The following RMDN2 variants were observed in gnomAD, a reference collection of about 807,000 sequenced individuals.
RMDN2 encodes the protein regulator of microtubule dynamics 2.
RMDN2 carries 61 observed loss-of-function variants against 52.8 expected under a neutral mutation model. The observed-to-expected ratio is 1.16, with a 90% CI of 0.94 to 1.43. RMDN2 has a LOEUF of 1.43. Ranked by LOEUF, RMDN2 falls within the 40% of genes most tolerant of loss-of-function variation. The pLI is 0.00. For missense variants in RMDN2, 592 were observed against 475.3 expected (o/e 1.25, Z -2.28); for synonymous variants, 180 against 153.1 (o/e 1.18, Z -1.30).
intron 10 of RMDN2, among the ~76,000 whole-genome samples, chr2:38,033,409 ATTG>A (rs1187884158): frequency 6.6e-6 from 1 of 152,188 alleles, no homozygotes. Flanking sequence ...GTCTCAGAAC[ATTG>A]TTGTTGGAAG....
intron 5 of RMDN2, among the ~76,000 whole-genome samples, chr2:37,988,971 G>A (rs1034636067): frequency 3.9e-5 from 6 of 152,156 alleles, no homozygotes; most frequent in African/African-American, 1.2e-4. Flanking sequence ...GGTTGAAGGA[G>A]AAGGGGAAAT....
intron 2 of RMDN2, among the ~76,000 whole-genome samples, chr2:37,969,144 C>G (rs751958901): frequency 2.6e-5 from 4 of 151,654 alleles, no homozygotes; most frequent in Non-Finnish European, 5.9e-5. Flanking sequence ...GTTTCTTTAG[C>G]TTTATCCTTT....
chr2:37,968,569 TA>T (rs1414029174), intron 2 of RMDN2, among the ~76,000 whole-genome samples: 1 of 152,056 alleles, frequency 6.6e-6, no homozygotes, highest in Non-Finnish European at 1.5e-5. Flanking sequence ...ATTTTCACAG[TA>T]AATAATGTCT....
intron 2 of RMDN2, chr2:37,951,150 G>A: frequency 3.1e-6 from 4 of 1,309,642 alleles, no homozygotes; most frequent in Non-Finnish European, 4.1e-6. Flanking sequence ...ACCAAAAGGT[G>A]GATATTATTC....
In RMDN2 at chr2:38,017,534, C is replaced by T. The variant is rs1325394688; in HGVS notation, c.*295C>T. Reference sequence around the variant, plus strand: ...ATTTCTTTAAATAAAATATTTAAATCCAATAAAATGAATTCTCATGAATAT... The same window carrying T: ...ATTTCTTTAAATAAAATATTTAAATTCAATAAAATGAATTCTCATGAATAT... On this transcript the variant is annotated 3_prime_UTR_variant, in exon 11 of 11. Coordinates refer to ENST00000354545, the MANE Select transcript of RMDN2 (RefSeq NM_001170791.3). The T allele has an allele frequency of 9.0e-7, 1 of 1,113,272 alleles. No individual in the cohort carries two copies. Among genetic ancestry groups the T allele is most frequent in the Non-Finnish European group, 1.2e-6 (1 of 841,044 alleles). The allele number at this position is 1,113,272 out of a possible 1,614,324, so 69.0% of individuals were successfully genotyped here. A position where few individuals can be genotyped will look rare whatever the true frequency, so the allele number is the denominator to read the frequency against.
intron 10 of RMDN2, among the ~76,000 whole-genome samples, chr2:38,045,469 T>C (rs1209882839): frequency 6.6e-6 from 1 of 152,208 alleles, no homozygotes; most frequent in Non-Finnish European, 1.5e-5. Flanking sequence ...TCATCTCACC[T>C]AATCTTTAAA....
chr2:37,933,432 G>A (rs1667014932), intron 2 of RMDN2, among the ~76,000 whole-genome samples: 1 of 152,340 alleles, frequency 6.6e-6, no homozygotes, highest in South Asian at 2.1e-4. Context: ...GCTGGGAGGT[G>A]GAGGTTGTAG....
At chr2:37,973,125 G>A (rs926254049) in intron 2 of RMDN2, among the ~76,000 whole-genome samples, 7 of 151,980 alleles carry the variant, frequency 4.6e-5, no homozygotes, top group African/African-American at 1.7e-4. Flanking sequence ...TTCACATTTG[G>A]CCTTTGTCTT....
At chr2:37,926,064 A>G (rs1422937076) in intron 1 of RMDN2, among the ~76,000 whole-genome samples, 4 of 152,178 alleles carry the variant, frequency 2.6e-5, no homozygotes, top group Admixed American at 6.5e-5. Flanking sequence ...TCTGATCACT[A>G]GTTCAAGGTC....
intron 10 of RMDN2, among the ~76,000 whole-genome samples, chr2:38,056,146 G>C (rs1301855224): frequency 1.3e-5 from 2 of 152,176 alleles, no homozygotes; most frequent in Non-Finnish European, 2.9e-5. Context: ...CACTGTGCCA[G>C]GCACCCGGGA....
At chr2:37,941,602 G>A (rs1263952976) in intron 2 of RMDN2, among the ~76,000 whole-genome samples, 1 of 152,230 alleles carries the variant, frequency 6.6e-6, no homozygotes, top group Admixed American at 6.5e-5. Flanking sequence ...CCAGAGAGGA[G>A]GAATCTAGAG....
chr2:38,050,034 T>G (rs535495633), intron 10 of RMDN2, among the ~76,000 whole-genome samples: 8 of 152,334 alleles, frequency 5.3e-5, no homozygotes, highest in Admixed American at 2.6e-4. Context: ...TCAATGAATT[T>G]GGGACCTTAT....
chr2:37,962,068 T>G (rs1204809836), intron 2 of RMDN2, among the ~76,000 whole-genome samples: 1 of 152,214 alleles, frequency 6.6e-6, no homozygotes, highest in African/African-American at 2.4e-5. Context: ...CTGGAAGCTT[T>G]GTCCCAGAGG....
In RMDN2 at chr2:38,051,222, A is replaced by G. The variant is rs562217742; in HGVS notation, c.1714-15760A>G. Reference sequence around the variant, plus strand: ...GTCTGCCAACCCTTTCTTCGGAGTCATGCAAATTCACCGTAAAAACAAAAT... The same window carrying G: ...GTCTGCCAACCCTTTCTTCGGAGTCGTGCAAATTCACCGTAAAAACAAAAT... On this transcript the variant is annotated intron_variant, in intron 10 of 10. Coordinates refer to the RMDN2 transcript ENST00000234195. Among the ~76,000 whole-genome samples, 3 of 151,626 alleles carry G rather than the reference A, an allele frequency of 2.0e-5. No individual in the cohort carries two copies. The South Asian group carries it at 6.3e-4, about 32-fold the overall frequency.
chr2:37,976,998 T>C (rs1672557796), intron 4 of RMDN2, among the ~76,000 whole-genome samples: 1 of 152,164 alleles, frequency 6.6e-6, no homozygotes, highest in South Asian at 2.1e-4. Context: ...CCTGCCGCCT[T>C]CTGCAGTGTT....
intron 10 of RMDN2, chr2:38,035,741 T>C (rs1680531301): frequency 6.6e-6 from 1 of 152,082 alleles, no homozygotes; most frequent in African/African-American, 2.4e-5. Flanking sequence ...AAGCAACTGG[T>C]TTATATCTAG....
At chr2:38,060,700 G>T (rs1458057244) in intron 10 of RMDN2, among the ~76,000 whole-genome samples, 3 of 152,174 alleles carry the variant, frequency 2.0e-5, no homozygotes, top group African/African-American at 7.2e-5. Flanking sequence ...GTGGGTCTGG[G>T]AGCTGAGTGG....
At chr2:37,997,578 C>A in intron 8 of RMDN2, 64 bp downstream of exon 8, 1 of 1,065,044 alleles carries the variant, frequency 9.4e-7, no homozygotes, top group Non-Finnish European at 1.4e-6. Flanking sequence ...ATCCCTGCTG[C>A]CGTTGTCAAG....
chr2:37,992,251 C>T (rs1458980851), intron 7 of RMDN2, among the ~76,000 whole-genome samples: 2 of 152,112 alleles, frequency 1.3e-5, no homozygotes, highest in East Asian at 3.8e-4. Context: ...AAATTGAATT[C>T]CAAAATTTAT....
Sources: allele counts gnomAD v4.1 joint callset (sites outside exome capture counted in the v4.1 genomes callset), GRCh38; gene constraint gnomAD v4.1.1; transcripts MANE v1.5; gene names NCBI Gene and HGNC (gene_info 2026-07-23, HGNC 2026-07-21).